SLCO1A2: variants seen among roughly 807,000 people sequenced by gnomAD.
SLCO1A2 encodes the protein solute carrier organic anion transporter family member 1A2.
SLCO1A2 carries 67 observed loss-of-function variants against 69.0 expected under a neutral mutation model. The ratio of observed to expected loss-of-function variants is 0.97; its 90% CI spans 0.80 to 1.19. The LOEUF (loss-of-function observed/expected upper bound fraction) is 1.19. Among genes scored for constraint, SLCO1A2 ranks in the 50% most tolerant of loss-of-function variants. The probability of loss-of-function intolerance (pLI) is 0.00; values close to 1 mark genes in which losing one functional copy is unlikely to be tolerated. For missense variants in SLCO1A2, 787 were observed against 793.7 expected, an observed-to-expected ratio of 0.99 and a Z score of 0.10; for synonymous variants, 260 against 265.9, an observed-to-expected ratio of 0.98 and a Z score of 0.22.
intron 12 of SLCO1A2, among the ~76,000 whole-genome samples, chr12:21,291,252 CTT>C (rs1946801912): frequency 1.3e-5 from 2 of 152,256 alleles, no homozygotes; most frequent in African/African-American, 4.8e-5. Flanking sequence ...CGGAACAAGA[CTT>C]AACACCACAC....
intron 2 of SLCO1A2, among the ~76,000 whole-genome samples, chr12:21,330,067 A>G (rs1173156450): frequency 6.6e-6 from 1 of 152,084 alleles, no homozygotes; most frequent in Non-Finnish European, 1.5e-5. Context: ...TCTTTAATAT[A>G]ATTTGGTAGT....
At chr12:21,342,887 A>C (rs956183340) in intron 2 of SLCO1A2, among the ~76,000 whole-genome samples, 2 of 152,064 alleles carry the variant, frequency 1.3e-5, no homozygotes, top group Non-Finnish European at 2.9e-5. Context: ...GCTTGATAGT[A>C]CCAGTACTTG....
In SLCO1A2 at chr12:21,404,429, C is replaced by T. The variant is rs148850729; in HGVS notation, c.-312+13453G>A. Among the ~76,000 whole-genome samples the T allele has an allele frequency of 3.3e-3, 499 of 152,204 alleles. 6 individuals are homozygous for T. Among genetic ancestry groups the T allele is most frequent in the African/African-American group, 0.012 (481 of 41,518 alleles). On this transcript the variant is annotated intron_variant, in intron 1 of 4. Coordinates refer to the SLCO1A2 transcript ENST00000413682. ...AGGCTCAAGTTTGTGTTGGTCCCCT[C>T]CCTGTGTCCATGTATTCTCATTGTT... is the stretch of plus-strand genomic sequence containing the variant.
At chr12:21,405,232 A>G (rs1941804341) in intron 1 of SLCO1A2, among the ~76,000 whole-genome samples, 1 of 152,120 alleles carries the variant, frequency 6.6e-6, no homozygotes, top group African/African-American at 2.4e-5. Flanking sequence ...TAGTTTAATT[A>G]GATCTCATTT....
chr12:21,315,506 A>G (rs992880890), intron 3 of SLCO1A2, among the ~76,000 whole-genome samples: 9 of 152,212 alleles, frequency 5.9e-5, no homozygotes, highest in African/African-American at 4.8e-5. Flanking sequence ...CCCCCACTAT[A>G]TATAAAGAAT....
In SLCO1A2 at chr12:21,414,886, T is replaced by A. The variant is rs189063134; in HGVS notation, c.-312+2996A>T. On this transcript the variant is annotated intron_variant, in intron 1 of 4. Transcript: ENST00000413682. ...CCTCCATAGTGCATTGAATCCTTATTATTATTTGATGATATATTGTATTCC... is the reference window on the plus strand; with the variant it reads ...CCTCCATAGTGCATTGAATCCTTATAATTATTTGATGATATATTGTATTCC... 6.2e-4 allele frequency among the ~76,000 whole-genome samples: 94 copies of A among 152,268 alleles called. 1 individual carries two copies. The highest frequency in any genetic ancestry group is 2.1e-3 in the African/African-American group (89 of 41,578).
At chr12:21,347,943 C>G (rs1349937469) in intron 2 of SLCO1A2, among the ~76,000 whole-genome samples, 1 of 152,174 alleles carries the variant, frequency 6.6e-6, no homozygotes, top group Non-Finnish European at 1.5e-5. Flanking sequence ...AATTCTTCAT[C>G]TCATTACTCA....
At position 21,295,654 on chromosome 12, in the gene SLCO1A2, G is replaced by A. The variant is rs115302514; in HGVS notation, c.1214C>T (p.Ser405Phe). 4.8e-4 allele frequency: 772 copies of A among 1,605,910 alleles called. 4 individuals are homozygous for A. The African/African-American group carries it at 9.5e-3, about 20-fold the overall frequency. ...SLLEYLLYFL[S>F]FLMTCENSSV... ...AGAATTTTCACAAGTCATGAGAAAA[G>A]ATAAAAAATAGAGAAGATACTCAAG... Residue 405 changes from serine to phenylalanine, a missense_variant, in exon 10 of 15, where the codon TCT becomes TTT. Physicochemically the swap from Ser to Phe is radical, Grantham distance 155. Coordinates refer to ENST00000683939, the MANE Select transcript of SLCO1A2 (RefSeq NM_001386879.1).
chr12:21,270,768 T>C (rs1942667820), intron 14 of SLCO1A2, among the ~76,000 whole-genome samples: 1 of 151,702 alleles, frequency 6.6e-6, no homozygotes, highest in Non-Finnish European at 1.5e-5. Context: ...TAAATTGTTA[T>C]ATCTAAAATC....
intron 1 of SLCO1A2, among the ~76,000 whole-genome samples, chr12:21,413,503 A>G (rs1941945065): frequency 6.6e-6 from 1 of 151,940 alleles, no homozygotes; most frequent in Non-Finnish European, 1.5e-5. Flanking sequence ...CGGCCTCCCA[A>G]AGCGTGGCAG....
chr12:21,315,519 C>T (rs1356746924), intron 3 of SLCO1A2, among the ~76,000 whole-genome samples: 2 of 152,118 alleles, frequency 1.3e-5, no homozygotes, highest in Non-Finnish European at 2.9e-5. Context: ...TAAAGAATGC[C>T]TCTGCAATGA....
At chr12:21,382,793 CA>C (rs3060709) in intron 1 of SLCO1A2, among the ~76,000 whole-genome samples, 125 of 75,182 alleles carry the variant, frequency 1.7e-3, no homozygotes, top group South Asian at 4.7e-3. Context: ...AACTCCGTCT[CA>C]AAAAAAAAAA....
exon 1 of SLCO1A2, chr12:21,395,077 A>C (rs903188893): frequency 1.3e-5 from 2 of 158,998 alleles, no homozygotes; most frequent in African/African-American, 4.8e-5. Flanking sequence ...AGCGACGCAG[A>C]AGACGGGTGA....
At chr12:21,389,856 C>A (rs1352982543) in intron 1 of SLCO1A2, among the ~76,000 whole-genome samples, 1 of 150,554 alleles carries the variant, frequency 6.6e-6, no homozygotes, top group Non-Finnish European at 1.5e-5. Flanking sequence ...CTGGTTTCTT[C>A]TTCAAAATAA....
intron 1 of SLCO1A2, among the ~76,000 whole-genome samples, chr12:21,412,122 T>A (rs1941916469): frequency 6.6e-6 from 1 of 152,228 alleles, no homozygotes; most frequent in South Asian, 2.1e-4. Context: ...GGCTTATGCC[T>A]GTAATCCCAG....
chr12:21,416,012 AC>A (rs1233279406), intron 1 of SLCO1A2, among the ~76,000 whole-genome samples: 1 of 152,010 alleles, frequency 6.6e-6, no homozygotes, highest in East Asian at 1.9e-4. Flanking sequence ...TTATGCAATT[AC>A]TTTTTATACA....
chr12:21,360,385 C>T (rs7959833), intron 2 of SLCO1A2, among the ~76,000 whole-genome samples: 7,854 of 152,270 alleles, frequency 0.052, 285 homozygotes, highest in Non-Finnish European at 0.079. Flanking sequence ...TAAGGATCAT[C>T]AGATATTTAA....
At chr12:21,390,063 C>T (rs559826078) in intron 1 of SLCO1A2, among the ~76,000 whole-genome samples, 34 of 151,804 alleles carry the variant, frequency 2.2e-4, no homozygotes, top group South Asian at 6.2e-4. Flanking sequence ...TATACTGTTA[C>T]GCTAGATCAC....
At chr12:21,317,863 C>T (rs906291556) in intron 3 of SLCO1A2, among the ~76,000 whole-genome samples, 48 of 152,208 alleles carry the variant, frequency 3.2e-4, no homozygotes, top group African/African-American at 9.4e-4. Context: ...ATCTTCCTTT[C>T]CCCCATTCTC....
Sources: gnomAD v4.1 joint callset for allele counts (sites outside exome capture counted in the v4.1 genomes callset) on GRCh38, gnomAD v4.1.1 for gene constraint, MANE v1.5 for transcripts, NCBI Gene and HGNC (gene_info 2026-07-23, HGNC 2026-07-21) for gene names.